The following SEMA6D variants were observed in gnomAD, a reference collection of about 807,000 sequenced individuals.
SEMA6D encodes semaphorin-6D.
Under a neutral mutation model 106.6 loss-of-function variants are expected in SEMA6D, and 35 were observed. The observed-to-expected ratio is 0.33, with a 90% confidence interval of 0.25 to 0.44. SEMA6D has a LOEUF of 0.44. SEMA6D is among the 20% of genes least tolerant of loss of function. The pLI, the probability that SEMA6D is intolerant of heterozygous loss-of-function variation, is 1.00. For missense variants in SEMA6D, 1,185 were observed against 1,345.9 expected, an observed-to-expected ratio of 0.88 and a Z score of 1.87; for synonymous variants, 499 against 487.7, an observed-to-expected ratio of 1.02 and a Z score of -0.31.
chr15:47,651,936 T>C (rs2144978619), intron 4 of SEMA6D, among the ~76,000 whole-genome samples: 1 of 152,336 alleles, frequency 6.6e-6, no homozygotes, highest in South Asian at 2.1e-4. Flanking sequence ...TGGATATATC[T>C]TGGATGATCA....
chr15:47,197,712 C>T (rs937531457), intron 1 of SEMA6D, among the ~76,000 whole-genome samples: 1 of 152,026 alleles, frequency 6.6e-6, no homozygotes, highest in African/African-American at 2.4e-5. Flanking sequence ...CTACCAGTTT[C>T]TTTGGCTGTT....
At chr15:47,184,938 G>T (rs1259421832) in intron 1 of SEMA6D, among the ~76,000 whole-genome samples, 1 of 152,038 alleles carries the variant, frequency 6.6e-6, no homozygotes, top group Non-Finnish European at 1.5e-5. Flanking sequence ...GGGCTGGTTG[G>T]GTGAGCACGA....
chr15:47,683,486 G>GA (rs1001975693), intron 4 of SEMA6D, among the ~76,000 whole-genome samples: 1 of 152,062 alleles, frequency 6.6e-6, no homozygotes, highest in African/African-American at 2.4e-5. Flanking sequence ...AGTAGTTTAT[G>GA]AAAAATCTCA....
intron 3 of SEMA6D, among the ~76,000 whole-genome samples, chr15:47,529,603 T>TAAAAAAAAAAAAAAAAAAA (rs67339779): frequency 7.4e-6 from 1 of 135,758 alleles, no homozygotes. Context: ...TCTGTAGCAC[T>TAAAAAAAAAAAAAAAAAAA]AAAAAAAAAA....
chr15:47,715,262 A>ACTC (rs1255806898), upstream of SEMA6D, among the ~76,000 whole-genome samples: 1 of 152,186 alleles, frequency 6.6e-6, no homozygotes, highest in Non-Finnish European at 1.5e-5. Context: ...GGGGGGAGTT[A>ACTC]GACTGGAGAA....
chr15:47,202,941 TGA>T (rs1249391533), intron 1 of SEMA6D, among the ~76,000 whole-genome samples: 1 of 152,204 alleles, frequency 6.6e-6, no homozygotes, highest in Non-Finnish European at 1.5e-5. Flanking sequence ...AAAATATGTC[TGA>T]GAGATATCTC....
At chr15:47,752,470 A>G (rs1299226459) in intron 1 of SEMA6D, among the ~76,000 whole-genome samples, 1 of 152,156 alleles carries the variant, frequency 6.6e-6, no homozygotes. Context: ...ATAGCAGTAG[A>G]GCAAAGTTTC....
rs761464212 is a variant in SEMA6D at position 47,469,252 on chromosome 15, CA to C, written c.-158-1221del. On this transcript the variant is annotated intron_variant, in intron 2 of 19. Transcript: ENST00000558014. ...CAGTGCACCCCCTTATTGCCCCAAC[CA>C]GGGGCGGATTTCCTGCCTTGGAATG... 5.9e-5 allele frequency among the ~76,000 whole-genome samples: 9 copies of C among 152,012 alleles called. No individual in the cohort carries two copies. In the East Asian group the frequency reaches 1.7e-3, roughly 29 times the overall value.
chr15:47,575,889 G>A (rs1445496389), intron 3 of SEMA6D, among the ~76,000 whole-genome samples: 2 of 152,180 alleles, frequency 1.3e-5, no homozygotes, highest in African/African-American at 2.4e-5. Context: ...TGCACATGTA[G>A]TAGGTGCTCT....
chr15:47,687,329 T>C (rs2078491540), intron 4 of SEMA6D, among the ~76,000 whole-genome samples: 1 of 152,124 alleles, frequency 6.6e-6, no homozygotes, highest in African/African-American at 2.4e-5. Context: ...GGCAGATCTT[T>C]AAGCCAGCAA....
At chr15:47,282,991 T>G (rs1167936417) in intron 1 of SEMA6D, among the ~76,000 whole-genome samples, 1 of 152,118 alleles carries the variant, frequency 6.6e-6, no homozygotes, top group East Asian at 1.9e-4. Context: ...ATCTTCCCTG[T>G]TTTTTCACTA....
intron 1 of SEMA6D, among the ~76,000 whole-genome samples, chr15:47,383,765 G>A (rs1359956908): frequency 5.3e-5 from 8 of 152,150 alleles, no homozygotes; most frequent in Non-Finnish European, 8.8e-5. Context: ...GGCCCAGATT[G>A]ACATATCAAG....
At chr15:47,445,299 C>T (rs2041997886) in intron 2 of SEMA6D, among the ~76,000 whole-genome samples, 1 of 152,028 alleles carries the variant, frequency 6.6e-6, no homozygotes, top group Non-Finnish European at 1.5e-5. Flanking sequence ...GCTGGGGGAC[C>T]TCTGCCGGGG....
intron 1 of SEMA6D, among the ~76,000 whole-genome samples, chr15:47,319,541 C>T (rs990168223): frequency 1.3e-5 from 2 of 151,912 alleles, no homozygotes; most frequent in African/African-American, 2.4e-5. Context: ...TTGTTTTTCT[C>T]CCCCCACCCC....
At chr15:47,687,636 A>G (rs2078497644) in intron 4 of SEMA6D, among the ~76,000 whole-genome samples, 1 of 152,194 alleles carries the variant, frequency 6.6e-6, no homozygotes, top group South Asian at 2.1e-4. Context: ...AACATGATCA[A>G]ATATGAGCTC....
At chr15:47,656,922 A>G (rs764987664) in intron 4 of SEMA6D, among the ~76,000 whole-genome samples, 34 of 151,222 alleles carry the variant, frequency 2.2e-4, no homozygotes, top group Non-Finnish European at 3.4e-4. Context: ...AATGAGTGAC[A>G]AAAGTGACAG....
At chr15:47,351,614 C>T (rs1346384956) in intron 1 of SEMA6D, among the ~76,000 whole-genome samples, 1 of 152,130 alleles carries the variant, frequency 6.6e-6, no homozygotes, top group Non-Finnish European at 1.5e-5. Flanking sequence ...GCTAGACTGT[C>T]CCTCAAACCT....
At chr15:47,570,891 G>A (rs1451997059) in intron 3 of SEMA6D, among the ~76,000 whole-genome samples, 2 of 152,242 alleles carry the variant, frequency 1.3e-5, no homozygotes, top group East Asian at 3.8e-4. Context: ...GCCTGATGCT[G>A]TGAGAAATGC....
upstream of SEMA6D, among the ~76,000 whole-genome samples, chr15:47,716,528 T>A (rs1253830423): frequency 6.6e-6 from 1 of 152,224 alleles, no homozygotes; most frequent in East Asian, 1.9e-4. Flanking sequence ...CTTCTTTTTC[T>A]TTAAACAGGG....
Sources: gnomAD v4.1 joint callset for allele counts (sites outside exome capture counted in the v4.1 genomes callset) on GRCh38, gnomAD v4.1.1 for gene constraint, MANE v1.5 for transcripts, NCBI Gene and HGNC (gene_info 2026-07-23, HGNC 2026-07-21) for gene names.